Variants in CCDC13 observed in about 807,000 individuals in gnomAD.
CCDC13 encodes coiled-coil domain-containing protein 13.
Under a neutral mutation model 87.3 loss-of-function variants are expected in CCDC13, and 70 were observed. The ratio of observed to expected loss-of-function variants is 0.80; its 90% CI spans 0.66 to 0.98. CCDC13 has a LOEUF of 0.98. Ranked by LOEUF, CCDC13 falls within the 50% of genes least tolerant of loss-of-function variation. CCDC13 has a pLI of 0.00. For missense variants in CCDC13, 842 were observed against 892.0 expected (o/e 0.94, Z 0.71); for synonymous variants, 317 against 360.3 (o/e 0.88, Z 1.36).
rs1698187375 is a variant in CCDC13, at chr3:42,706,668, G to GCCTGCCTGTCTGCAGTTTTTCTTTCC, written c.*2286_*2311dup. ...AAAATGTGCAAACAAGATTTCCTGT[G>GCCTGCCTGTCTGCAGTTTTTCTTTCC]CCTGCCTGTCTGCAGTTTTTCTTTC... is the stretch of plus-strand genomic sequence containing the variant. On this transcript the variant is annotated 3_prime_UTR_variant, in exon 16 of 16. Transcript: ENST00000310232. The GCCTGCCTGTCTGCAGTTTTTCTTTCC allele has an allele frequency of 6.6e-6, 1 of 152,236 alleles. No homozygotes were observed. The highest frequency in any genetic ancestry group is 2.4e-5 in the African/African-American group (1 of 41,466). The allele number at this position is 152,236 out of a possible 1,614,324, so 9.4% of individuals were successfully genotyped here.
intron 1 of CCDC13, among the ~76,000 whole-genome samples, chr3:42,767,929 G>A (rs1296470834): frequency 5.9e-5 from 9 of 151,424 alleles, no homozygotes; most frequent in Non-Finnish European, 1.3e-4. Flanking sequence ...AGCTGAGATC[G>A]TGACATTGCA....
intron 1 of CCDC13, among the ~76,000 whole-genome samples, chr3:42,772,267 C>CAAAAAAAA (rs869064282): frequency 8.8e-6 from 1 of 113,872 alleles, no homozygotes; most frequent in Non-Finnish European, 1.7e-5. Flanking sequence ...GAGACTCCGT[C>CAAAAAAAA]AAAAAAAAAA....
intron 14 of CCDC13, among the ~76,000 whole-genome samples, chr3:42,711,280 T>C (rs991370818): frequency 7.2e-6 from 1 of 139,576 alleles, no homozygotes; most frequent in African/African-American, 2.7e-5. Context: ...AAAGCTCAAC[T>C]GGTGGTGGCG....
intron 1 of CCDC13, among the ~76,000 whole-genome samples, chr3:42,763,497 G>C (rs1699874983): frequency 6.7e-6 from 1 of 150,214 alleles, no homozygotes; most frequent in East Asian, 1.9e-4. Flanking sequence ...TATTTGAAGA[G>C]ATGTACTTTT....
intron 13 of CCDC13, among the ~76,000 whole-genome samples, chr3:42,723,250 C>T (rs1698609707): frequency 6.6e-6 from 1 of 152,144 alleles, no homozygotes; most frequent in South Asian, 2.1e-4. Context: ...TCAAGGCCAG[C>T]AAGAAAATAC....
chr3:42,770,677 A>T (rs1439432264), intron 1 of CCDC13: 1 of 152,146 alleles, frequency 6.6e-6, no homozygotes, highest in Non-Finnish European at 1.5e-5. Flanking sequence ...GCTACTGCTC[A>T]CTCTTTGGGT....
chr3:42,747,421 G>C, intron 5 of CCDC13, 48 bp from the exon 6 acceptor site: 1 of 1,289,906 alleles, frequency 7.8e-7, no homozygotes, highest in Non-Finnish European at 1.1e-6. Flanking sequence ...TGCCTACATG[G>C]GAATAGTAAT....
chr3:42,764,851 A>T (rs1342938773), intron 1 of CCDC13, among the ~76,000 whole-genome samples: 1 of 152,208 alleles, frequency 6.6e-6, no homozygotes, highest in African/African-American at 2.4e-5. Flanking sequence ...ACCTCAGTGT[A>T]TTATAATTAT....
chr3:42,757,204 C>T lies in CCDC13; in HGVS notation c.232G>A (p.Asp78Asn), dbSNP rs778801415. ...TCATTTCGAAGGTGTTCAATCTCATCTTCAAGCACCCTACAAGGCAAAGGC... is the reference window on the plus strand; with the variant it reads ...TCATTTCGAAGGTGTTCAATCTCATTTTCAAGCACCCTACAAGGCAAAGGC... ...KNSFEKRVLE[D>N]EIEHLRNELR... The change falls in exon 3 of 16, where the codon GAT becomes AAT. Residue 78 changes from aspartate to asparagine, a missense_variant. Physicochemically the swap from Asp to Asn is conservative, Grantham distance 23. Coordinates refer to ENST00000310232, the MANE Select transcript of CCDC13 (RefSeq NM_144719.4). 1.4e-5 allele frequency: 22 copies of T among 1,613,758 alleles called. No individual in the cohort carries two copies. In the South Asian group the frequency reaches 2.3e-4, roughly 17 times the overall value.
At chr3:42,755,206 T>C (rs1477284085) in intron 3 of CCDC13, among the ~76,000 whole-genome samples, 2 of 152,004 alleles carry the variant, frequency 1.3e-5, no homozygotes, top group Non-Finnish European at 2.9e-5. Flanking sequence ...TAAAAAACTG[T>C]ACGAAAAATA....
intron 10 of CCDC13, 30 bp downstream of exon 10, chr3:42,735,677 G>A: frequency 1.9e-6 from 3 of 1,605,382 alleles, no homozygotes; most frequent in Non-Finnish European, 2.6e-6. Context: ...GCTTGAAAAT[G>A]GGTTTGGGCG....
intron 13 of CCDC13, chr3:42,719,382 C>CCTCTTTCTCTCTCTCTCTCT (rs1386418167): frequency 1.9e-5 from 1 of 52,382 alleles, no homozygotes; most frequent in African/African-American, 6.4e-5. Context: ...GCAGTGCTTT[C>CCTCTTTCTCTCTCTCTCTCT]CTCTCTCTCT....
At position 42,708,841 on chromosome 3, in the gene CCDC13, AAGG is replaced by A; in HGVS notation, c.*136_*138del. 1 of 863,484 alleles carries A rather than the reference AAGG, an allele frequency of 1.2e-6. No individual in the cohort carries two copies. The highest frequency in any genetic ancestry group is 1.7e-6 in the Non-Finnish European group (1 of 576,622). The allele number at this position is 863,484 out of a possible 1,614,324, so 53.5% of individuals were successfully genotyped here. On this transcript the variant is annotated 3_prime_UTR_variant, in exon 16 of 16. Transcript: ENST00000310232. ...TGAGACATTGGTTTTGGTCATCCTT[AAGG>A]AGCCTCTTCTGGTAGAAGTGGTTGA...
At chr3:42,752,783 CACT>C in intron 3 of CCDC13, 66 bp from the exon 4 acceptor site, 2 of 1,573,236 alleles carry the variant, frequency 1.3e-6, no homozygotes, top group Non-Finnish European at 1.7e-6. Context: ...CATGCTCCAC[CACT>C]AACAGCACCA....
chr3:42,742,063 C>T (rs559621351), intron 8 of CCDC13, among the ~76,000 whole-genome samples: 1 of 152,324 alleles, frequency 6.6e-6, no homozygotes, highest in African/African-American at 2.4e-5. Flanking sequence ...GCTTCTGTTA[C>T]CTTCTTTAAA....
At chr3:42,733,042 G>T in intron 11 of CCDC13, 72 bp from the exon 12 acceptor site, 5 of 1,283,542 alleles carry the variant, frequency 3.9e-6, no homozygotes, top group Non-Finnish European at 5.4e-6. Context: ...ACCTCTGCAT[G>T]TGAGGTGGAG....
intron 1 of CCDC13, chr3:42,770,528 A>G (rs1018072518): frequency 6.6e-6 from 1 of 152,238 alleles, no homozygotes; most frequent in African/African-American, 2.4e-5. Context: ...GGCTCTCTGT[A>G]AAATGGACCA....
At position 42,726,326 on chromosome 3, in the gene CCDC13, G is replaced by A. The variant is rs150642143; in HGVS notation, c.1718+4141C>T. 2.6e-4 allele frequency among the ~76,000 whole-genome samples: 40 copies of A among 152,318 alleles called. No homozygotes were observed. The East Asian group carries it at 7.5e-3, about 29-fold the overall frequency. ...CAAAGTGCTGGGATTACAGGCATGA[G>A]CCACTGTGCCTGGCTGAGAACAGGA... On this transcript the variant is annotated intron_variant, in intron 13 of 15. Transcript: ENST00000310232.
intron 8 of CCDC13, among the ~76,000 whole-genome samples, chr3:42,742,230 AAGAC>A (rs1355059307): frequency 1.3e-5 from 2 of 152,222 alleles, no homozygotes; most frequent in African/African-American, 2.4e-5. Flanking sequence ...GGCTAGACCA[AAGAC>A]ACTCAATTCT....
Sources: gnomAD v4.1 joint callset for allele counts (sites outside exome capture counted in the v4.1 genomes callset) on GRCh38, gnomAD v4.1.1 for gene constraint, MANE v1.5 for transcripts, NCBI Gene and HGNC (gene_info 2026-07-23, HGNC 2026-07-21) for gene names.